Variants in AFAP1 observed in about 807,000 individuals in gnomAD.
AFAP1 encodes actin filament-associated protein 1.
AFAP1 carries 75 observed loss-of-function variants against 93.9 expected under a neutral mutation model. The observed-to-expected ratio is 0.80, with a 90% CI of 0.66 to 0.97. The LOEUF (loss-of-function observed/expected upper bound fraction) is 0.97, where lower values mean the gene tolerates loss of function less well. Among genes scored for constraint, AFAP1 ranks in the 50% least tolerant of loss-of-function variants. The probability of loss-of-function intolerance (pLI) is 0.00; values close to 1 mark genes in which losing one functional copy is unlikely to be tolerated. For missense variants in AFAP1, 1,201 were observed against 1,050.8 expected, an observed-to-expected ratio of 1.14 and a Z score of -1.98; for synonymous variants, 517 against 430.7, an observed-to-expected ratio of 1.20 and a Z score of -2.48.
Position 7,939,576 on chromosome 4 carries a change from A to G in AFAP1, c.-3+80T>C. ...GGCGCACGGACCCCGGACCCTGCGG[A>G]GCCCCGCTCGGAGCTTCCACGCCCG... is the stretch of plus-strand genomic sequence containing the variant. On this transcript the variant is annotated intron_variant, in intron 1 of 17. Coordinates refer to ENST00000420658, the MANE Select transcript of AFAP1 (RefSeq NM_001134647.2). This position sits in a 1 kb window ranked among gnomAD's most constrained non-coding sequence, Gnocchi z 5.6. The G allele has an allele frequency of 2.6e-6, 1 of 387,892 alleles. No homozygotes were observed. The highest frequency in any genetic ancestry group is 1.8e-5 in the South Asian group (1 of 56,410). The allele number at this position is 387,892 out of a possible 1,614,324, so 24.0% of individuals were successfully genotyped here. A position where few individuals can be genotyped will look rare whatever the true frequency, so the allele number is the denominator to read the frequency against.
Position 7,818,952 on chromosome 4 carries a change from C to T in AFAP1, c.822+124G>A, listed in dbSNP as rs1044088516. On this transcript the variant is annotated intron_variant, in intron 7 of 17. Coordinates refer to ENST00000420658, the MANE Select transcript of AFAP1 (RefSeq NM_001134647.2). ...CAGGCAGTTAAAAAGATGGGAAGCA[C>T]GACTGCACTTTTTCTTTTTTAACTG... 3.2e-5 allele frequency: 27 copies of T among 853,290 alleles called. 1 individual carries two copies. Among genetic ancestry groups the T allele is most frequent in the Middle Eastern group, 3.7e-4 (1 of 2,698 alleles). 52.9% of individuals were successfully genotyped at this position (853,290 alleles called of 1,614,324 possible). A position where few individuals can be genotyped will look rare whatever the true frequency, so the allele number is the denominator to read the frequency against.
chr4:7,773,066 C>G, intron 15 of AFAP1, 56 bp from the exon 16 acceptor site: 20 of 1,553,912 alleles, frequency 1.3e-5, no homozygotes, highest in Non-Finnish European at 1.6e-5. Context: ...CTCCAAACAA[C>G]AGAGAAGGCA....
In AFAP1 at chr4:7,770,825, G is replaced by A. The variant is rs532561205; in HGVS notation, c.2254-1817C>T. ...CCACCACCCTCCACGCAGGACAAAAGACAAGCAGCGTGGGGGACTGTGTGC... is the reference window on the plus strand; with the variant it reads ...CCACCACCCTCCACGCAGGACAAAAAACAAGCAGCGTGGGGGACTGTGTGC... On this transcript the variant is annotated intron_variant, in intron 16 of 17. Coordinates refer to ENST00000420658, the MANE Select transcript of AFAP1 (RefSeq NM_001134647.2). Among the ~76,000 whole-genome samples the A allele has an allele frequency of 8.5e-5, 13 of 152,208 alleles. No homozygotes were observed. In the East Asian group the frequency reaches 2.5e-3, roughly 30 times the overall value.
At chr4:7,776,104 G>A (rs1447911677) in intron 14 of AFAP1, 1 of 152,172 alleles carries the variant, frequency 6.6e-6, no homozygotes, top group Non-Finnish European at 1.5e-5. Context: ...AAGCTTCCGT[G>A]GTCTCCCAGT....
intron 10 of AFAP1, among the ~76,000 whole-genome samples, chr4:7,799,742 C>A (rs183624032): frequency 6.6e-6 from 1 of 152,132 alleles, no homozygotes; most frequent in Non-Finnish European, 1.5e-5. Flanking sequence ...TAGAAAACAT[C>A]AACAGAATGT....
In AFAP1 at chr4:7,819,102, G is replaced by A; in HGVS notation, c.796C>T (p.Pro266Ser). ...DSECPPPPSSPVHKAELEKKL... is the reference protein window; with the variant it reads ...DSECPPPPSSSVHKAELEKKL... ...TTCTCCAGTTCTGCCTTGTGCACCGGGGAGCTTGGTGGAGGAGGACACTCT... is the reference window on the plus strand; with the variant it reads ...TTCTCCAGTTCTGCCTTGTGCACCGAGGAGCTTGGTGGAGGAGGACACTCT... Residue 266 changes from proline to serine, a missense_variant, in exon 7 of 18, where the codon CCG becomes TCG. By Grantham distance (74) the Pro-to-Ser change is moderately conservative (BLOSUM62 -1). Coordinates refer to ENST00000420658, the MANE Select transcript of AFAP1 (RefSeq NM_001134647.2). The A allele has an allele frequency of 6.2e-7, 1 of 1,613,588 alleles. No homozygotes were observed.
intron 5 of AFAP1, among the ~76,000 whole-genome samples, chr4:7,840,771 G>C (rs1712914195): frequency 1.3e-5 from 2 of 152,178 alleles, no homozygotes; most frequent in African/African-American, 4.8e-5. Context: ...TGCATTTTGA[G>C]TATGTATAAA....
intron 4 of AFAP1, among the ~76,000 whole-genome samples, chr4:7,855,170 T>C (rs377303332): frequency 1.3e-5 from 2 of 152,110 alleles, no homozygotes; most frequent in African/African-American, 2.4e-5. Flanking sequence ...ACCCAAAAAA[T>C]ATACCACAAA....
chr4:7,873,435 G>A (rs530172473), intron 1 of AFAP1, among the ~76,000 whole-genome samples: 24 of 116,640 alleles, frequency 2.1e-4, no homozygotes, highest in African/African-American at 7.2e-4. Context: ...TGAAAGCTCC[G>A]CCTCCTGGGT....
At chr4:7,935,144 G>A (rs549184403) in intron 1 of AFAP1, among the ~76,000 whole-genome samples, 3 of 152,026 alleles carry the variant, frequency 2.0e-5, no homozygotes, top group Admixed American at 6.6e-5. Context: ...CATTCTTAAT[G>A]GGTTTTTTTT....
In AFAP1 at chr4:7,939,828, C is replaced by A. The variant is rs1030940710; in HGVS notation, c.-175G>T. The A allele has an allele frequency of 1.4e-5, 4 of 289,172 alleles. No individual in the cohort carries two copies. Among genetic ancestry groups the A allele is most frequent in the South Asian group, 2.7e-5 (1 of 36,936 alleles). The allele number at this position is 289,172 out of a possible 1,614,324, so 17.9% of individuals were successfully genotyped here. The stretch of plus-strand genomic sequence containing the variant: ...TCGAGATCCGGCTCGGCTCGCGGAG[C>A]TGCAGCCGGCGTGGGGCTGCGGCCG... On this transcript the variant is annotated 5_prime_UTR_variant, in exon 1 of 18. Coordinates refer to ENST00000420658, the MANE Select transcript of AFAP1 (RefSeq NM_001134647.2). This position sits in a 1 kb window ranked among gnomAD's most constrained non-coding sequence, Gnocchi z 5.6.
intron 9 of AFAP1, among the ~76,000 whole-genome samples, chr4:7,801,344 G>C (rs1408844780): frequency 1.3e-5 from 2 of 152,058 alleles, no homozygotes; most frequent in Admixed American, 1.3e-4. Flanking sequence ...ATGAAAGTTT[G>C]TGATCCGTGT....
chr4:7,768,808 C>T (rs768578290), intron 17 of AFAP1, 36 bp downstream of exon 17: 2 of 1,529,382 alleles, frequency 1.3e-6, no homozygotes, highest in Admixed American at 3.9e-5. Context: ...AGTGCCTGCC[C>T]AGGACACCCA....
intron 12 of AFAP1, among the ~76,000 whole-genome samples, chr4:7,784,943 T>C (rs1445883422): frequency 6.6e-6 from 1 of 151,982 alleles, no homozygotes; most frequent in African/African-American, 2.4e-5. Flanking sequence ...AAGAAAAAAG[T>C]CTGAAATACC....
intron 16 of AFAP1, chr4:7,772,584 G>T: frequency 1.9e-6 from 1 of 533,904 alleles, no homozygotes; most frequent in Non-Finnish European, 3.3e-6. Context: ...GAAAGACACA[G>T]ACTCAGCATT....
chr4:7,768,411 G>C (rs141905227), intron 17 of AFAP1, among the ~76,000 whole-genome samples: 1 of 152,200 alleles, frequency 6.6e-6, no homozygotes, highest in Admixed American at 6.5e-5. Flanking sequence ...TGCAGCTGGC[G>C]GTGCTAGGGA....
At chr4:7,796,122 C>T (rs1371434196) in intron 10 of AFAP1, among the ~76,000 whole-genome samples, 2 of 152,170 alleles carry the variant, frequency 1.3e-5, no homozygotes, top group East Asian at 3.8e-4. Flanking sequence ...TGAAAAGACC[C>T]AGGAGCTCTG....
chr4:7,858,883 C>G (rs138682069), intron 3 of AFAP1, among the ~76,000 whole-genome samples: 1 of 152,184 alleles, frequency 6.6e-6, no homozygotes, highest in Non-Finnish European at 1.5e-5. Context: ...CCAACTTTAC[C>G]TCTTCCAAAA....
At chr4:7,863,601 A>C (rs1716004030) in intron 3 of AFAP1, among the ~76,000 whole-genome samples, 1 of 152,166 alleles carries the variant, frequency 6.6e-6, no homozygotes, top group Non-Finnish European at 1.5e-5. Context: ...CAGAAGTTCA[A>C]GATTTCCACA....
Sources: allele counts gnomAD v4.1 joint callset (sites outside exome capture counted in the v4.1 genomes callset), GRCh38; gene constraint gnomAD v4.1.1; non-coding constraint Gnocchi (gnomAD v3.1); transcripts MANE v1.5; gene names NCBI Gene and HGNC (gene_info 2026-07-23, HGNC 2026-07-21).